MCTP1: variants seen among roughly 807,000 people sequenced by gnomAD.
MCTP1 encodes multiple C2 and transmembrane domain-containing protein 1.
MCTP1 carries 69 observed loss-of-function variants against 120.6 expected under a neutral mutation model. That is an observed-to-expected ratio of 0.57 (90% CI 0.47 to 0.70). The LOEUF (loss-of-function observed/expected upper bound fraction) is 0.70, where lower values mean the gene tolerates loss of function less well. Ranked by LOEUF, MCTP1 falls within the 30% of genes least tolerant of loss-of-function variation. The pLI, the probability that MCTP1 is intolerant of heterozygous loss-of-function variation, is 0.00. For missense variants in MCTP1, 1,203 were observed against 1,248.8 expected (o/e 0.96, Z 0.55); for synonymous variants, 529 against 493.1 (o/e 1.07, Z -0.96).
chr5:95,019,040 G>A (rs73138047), intron 1 of MCTP1, among the ~76,000 whole-genome samples: 1 of 151,966 alleles, frequency 6.6e-6, no homozygotes, highest in Admixed American at 6.6e-5. Flanking sequence ...AACAAAGATA[G>A]TATTCTATTT....
intron 19 of MCTP1, among the ~76,000 whole-genome samples, chr5:94,759,924 A>AG (rs1554089834): frequency 7.2e-6 from 1 of 139,336 alleles, no homozygotes; most frequent in Non-Finnish European, 1.6e-5. Flanking sequence ...AAAAAAAAAA[A>AG]GCAGAGTGAC....
At chr5:95,148,653 T>G (rs1013622392) in intron 1 of MCTP1, among the ~76,000 whole-genome samples, 1 of 152,244 alleles carries the variant, frequency 6.6e-6, no homozygotes, top group African/African-American at 2.4e-5. Context: ...TGGATCTCAA[T>G]GAGCTTCCTT....
Position 94,978,099 on chromosome 5 carries a change from T to C in MCTP1, c.839-24738A>G, listed in dbSNP as rs192917931. Among the ~76,000 whole-genome samples, 384 of 152,118 alleles carry C rather than the reference T, an allele frequency of 2.5e-3. 3 individuals are homozygous for C. Among genetic ancestry groups the C allele is most frequent in the African/African-American group, 8.8e-3 (365 of 41,510 alleles). On this transcript the variant is annotated intron_variant, in intron 2 of 22. Transcript: ENST00000515393. ...CATTTCTCCAAAGAAGACATACAAA[T>C]GGCCAACAGGTATATGAAAAGATGC...
intron 19 of MCTP1, among the ~76,000 whole-genome samples, chr5:94,777,344 A>G (rs1322805501): frequency 6.6e-6 from 1 of 152,174 alleles, no homozygotes; most frequent in East Asian, 1.9e-4. Context: ...CTTGACATCT[A>G]TGTTTTGGTG....
At chr5:95,098,874 C>T (rs1165190697) in intron 1 of MCTP1, among the ~76,000 whole-genome samples, 2 of 152,140 alleles carry the variant, frequency 1.3e-5, no homozygotes, top group African/African-American at 4.8e-5. Context: ...TCAAACTATA[C>T]CACAAGGCTA....
At chr5:95,222,482 C>A (rs1162568839) in intron 1 of MCTP1, among the ~76,000 whole-genome samples, 5 of 152,190 alleles carry the variant, frequency 3.3e-5, no homozygotes, top group Non-Finnish European at 4.4e-5. Flanking sequence ...CCTTGGTTAA[C>A]AAAATACACA....
chr5:94,977,962 C>A (rs1400991738), intron 2 of MCTP1, among the ~76,000 whole-genome samples: 1 of 151,980 alleles, frequency 6.6e-6, no homozygotes, highest in African/African-American at 2.4e-5. Context: ...GAAATATCTG[C>A]AAATCATATA....
chr5:94,867,909 A>G (rs773268148), intron 17 of MCTP1: 1 of 157,600 alleles, frequency 6.3e-6, no homozygotes, highest in Non-Finnish European at 1.4e-5. Flanking sequence ...CATTGGTAGC[A>G]TTCTACTACC....
At chr5:94,813,349 C>G (rs910795218) in intron 17 of MCTP1, among the ~76,000 whole-genome samples, 19 of 152,136 alleles carry the variant, frequency 1.2e-4, no homozygotes, top group Non-Finnish European at 2.9e-5. Flanking sequence ...AACCAGAACC[C>G]TCGTATGTCA....
At chr5:95,249,922 C>T (rs1226649184) in intron 1 of MCTP1, among the ~76,000 whole-genome samples, 1 of 152,136 alleles carries the variant, frequency 6.6e-6, no homozygotes, top group African/African-American at 2.4e-5. Flanking sequence ...AAAGCAAGCA[C>T]CGCATGCTCT....
chr5:94,921,109 C>T (rs980889454), intron 7 of MCTP1, among the ~76,000 whole-genome samples: 1 of 152,162 alleles, frequency 6.6e-6, no homozygotes, highest in Admixed American at 6.5e-5. Flanking sequence ...CTTAAGCATG[C>T]TAAATATTTG....
At chr5:95,164,130 A>G (rs1328663609) in intron 1 of MCTP1, among the ~76,000 whole-genome samples, 1 of 152,170 alleles carries the variant, frequency 6.6e-6, no homozygotes, top group Non-Finnish European at 1.5e-5. Flanking sequence ...TGGTGTTCCT[A>G]GGTTCTGCAT....
chr5:94,729,598 G>A (rs1019858703), intron 19 of MCTP1, among the ~76,000 whole-genome samples: 4 of 152,196 alleles, frequency 2.6e-5, no homozygotes, highest in Non-Finnish European at 5.9e-5. Context: ...AGAAGAGTAA[G>A]TGAGGATCAC....
intron 1 of MCTP1, among the ~76,000 whole-genome samples, chr5:95,163,924 C>T (rs1320009955): frequency 1.3e-5 from 2 of 152,122 alleles, no homozygotes; most frequent in Non-Finnish European, 2.9e-5. Context: ...AAAGGTATTT[C>T]TTTTACAGCT....
intron 17 of MCTP1, among the ~76,000 whole-genome samples, chr5:94,808,364 G>A (rs1782771530): frequency 6.6e-6 from 1 of 152,176 alleles, no homozygotes; most frequent in Non-Finnish European, 1.5e-5. Flanking sequence ...CTCTTCTGAA[G>A]AGAGGCTTTG....
chr5:94,704,157 T>TC lies in MCTP1; in HGVS notation c.*3338dup, dbSNP rs529748010. 2.1e-4 allele frequency: 30 copies of TC among 144,274 alleles called. No individual in the cohort carries two copies. The highest frequency in any genetic ancestry group is 6.7e-4 in the African/African-American group (26 of 38,814). 8.9% of individuals were successfully genotyped at this position (144,274 alleles called of 1,614,324 possible). On this transcript the variant is annotated 3_prime_UTR_variant, in exon 23 of 23. Coordinates refer to ENST00000515393, the MANE Select transcript of MCTP1 (RefSeq NM_024717.7). ...TACTGAGCAATTAGAAAAGGCTGAT[T>TC]CTAGATACCCTAATCAAACCAACGA... is the stretch of plus-strand genomic sequence containing the variant.
intron 19 of MCTP1, among the ~76,000 whole-genome samples, chr5:94,720,373 AAAT>A (rs954958173): frequency 6.6e-5 from 10 of 152,242 alleles, no homozygotes; most frequent in African/African-American, 2.4e-4. Context: ...CAAATGCTAC[AAAT>A]GATGGGATGA....
chr5:94,935,397 TAA>T (rs141268722), intron 5 of MCTP1, among the ~76,000 whole-genome samples: 4,761 of 152,034 alleles, frequency 0.031, 177 homozygotes, highest in African/African-American at 0.085. Context: ...TAACAGTGCA[TAA>T]AAAACTCACA....
At chr5:95,217,609 C>T (rs184612373) in intron 1 of MCTP1, among the ~76,000 whole-genome samples, 11 of 152,226 alleles carry the variant, frequency 7.2e-5, no homozygotes, top group African/African-American at 2.6e-4. Context: ...TCTGTGAGAA[C>T]AATGGGGCAT....
Sources: allele counts gnomAD v4.1 joint callset (sites outside exome capture counted in the v4.1 genomes callset), GRCh38; gene constraint gnomAD v4.1.1; transcripts MANE v1.5; gene names NCBI Gene and HGNC (gene_info 2026-07-23, HGNC 2026-07-21).